ARHGAP44: variants seen among roughly 807,000 people sequenced by gnomAD.
The protein encoded by ARHGAP44 is rho GTPase-activating protein 44.
ARHGAP44 carries 43 observed loss-of-function variants against 106.8 expected under a neutral mutation model. The observed-to-expected ratio is 0.40, with a 90% CI of 0.32 to 0.52. The LOEUF (loss-of-function observed/expected upper bound fraction) is 0.52, where lower values mean the gene tolerates loss of function less well. Ranked by LOEUF, ARHGAP44 falls within the 20% of genes least tolerant of loss-of-function variation. The probability of loss-of-function intolerance (pLI) is 0.48; values close to 1 mark genes in which losing one functional copy is unlikely to be tolerated. For missense variants in ARHGAP44, 866 were observed against 1,050.5 expected (o/e 0.82, Z 2.43); for synonymous variants, 439 against 410.3 (o/e 1.07, Z -0.85).
At chr17:12,789,943 G>T (rs975326731) in intron 1 of ARHGAP44, 52 bp downstream of exon 1, 8 of 1,442,544 alleles carry the variant, frequency 5.5e-6, no homozygotes, top group African/African-American at 1.5e-5. Flanking sequence ...GGCTGCATCC[G>T]CAGGGGCGCG....
chr17:12,919,438 T>C (rs1400875763), intron 5 of ARHGAP44, among the ~76,000 whole-genome samples: 1 of 142,066 alleles, frequency 7.0e-6, no homozygotes, highest in African/African-American at 2.7e-5. Flanking sequence ...CAGGCTGGAG[T>C]GGAGTGGTGT....
intron 20 of ARHGAP44, chr17:12,988,475 A>G (rs900774185): frequency 6.6e-6 from 1 of 152,386 alleles, no homozygotes; most frequent in Admixed American, 6.5e-5. Flanking sequence ...GGAAGGGCAG[A>G]GGTGGGTCTG....
chr17:12,918,147 C>T (rs2037971599), intron 5 of ARHGAP44, among the ~76,000 whole-genome samples: 1 of 152,196 alleles, frequency 6.6e-6, no homozygotes, highest in Non-Finnish European at 1.5e-5. Flanking sequence ...AACCAAGGAG[C>T]AAGTCCGTTG....
chr17:12,957,163 G>A (rs1045355963), intron 15 of ARHGAP44, among the ~76,000 whole-genome samples: 5 of 152,020 alleles, frequency 3.3e-5, no homozygotes, highest in South Asian at 2.1e-4. Flanking sequence ...TCTCCATGTC[G>A]CTCAGGCTGG....
At chr17:12,967,933 C>G (rs1353248492) in intron 16 of ARHGAP44, among the ~76,000 whole-genome samples, 1 of 152,184 alleles carries the variant, frequency 6.6e-6, no homozygotes, top group Non-Finnish European at 1.5e-5. Context: ...GAATCAGGCT[C>G]CCTCTGAGTT....
intron 1 of ARHGAP44, among the ~76,000 whole-genome samples, chr17:12,856,489 C>T (rs377397750): frequency 5.9e-5 from 9 of 152,268 alleles, no homozygotes; most frequent in African/African-American, 2.2e-4. Flanking sequence ...AGGAAAATAT[C>T]GGAAGTTGGC....
At chr17:12,818,431 G>C (rs1214749508) in intron 1 of ARHGAP44, among the ~76,000 whole-genome samples, 2 of 151,518 alleles carry the variant, frequency 1.3e-5, no homozygotes, top group Non-Finnish European at 3.0e-5. Context: ...AGGCAGGGAT[G>C]TTCGCTTTCA....
chr17:12,860,774 G>C (rs972773219), intron 1 of ARHGAP44, among the ~76,000 whole-genome samples: 5 of 152,012 alleles, frequency 3.3e-5, no homozygotes, highest in African/African-American at 1.2e-4. Context: ...GAAGGGATGT[G>C]ACTTGGGTCT....
At chr17:12,830,727 G>A (rs973287253) in intron 1 of ARHGAP44, among the ~76,000 whole-genome samples, 1 of 149,652 alleles carries the variant, frequency 6.7e-6, no homozygotes. Context: ...AACAAAAACC[G>A]AAGAAATATG....
At chr17:12,925,581 A>G (rs1211799557) in intron 6 of ARHGAP44, among the ~76,000 whole-genome samples, 1 of 151,994 alleles carries the variant, frequency 6.6e-6, no homozygotes, top group Non-Finnish European at 1.5e-5. Context: ...TTAAACCCTT[A>G]TTCCTCTCCC....
intron 1 of ARHGAP44, among the ~76,000 whole-genome samples, chr17:12,859,490 C>A (rs960891999): frequency 6.6e-6 from 1 of 152,322 alleles, no homozygotes; most frequent in Admixed American, 6.5e-5. Context: ...AAGCCATCTT[C>A]TCATCATCAC....
intron 18 of ARHGAP44, among the ~76,000 whole-genome samples, chr17:12,977,979 A>G (rs1292808416): frequency 7.1e-6 from 1 of 140,940 alleles, no homozygotes; most frequent in Non-Finnish European, 1.5e-5. Context: ...CAGAGATGAC[A>G]GTGAGCTGAG....
chr17:12,815,715 C>T (rs957598411), intron 1 of ARHGAP44, among the ~76,000 whole-genome samples: 2 of 152,144 alleles, frequency 1.3e-5, no homozygotes, highest in African/African-American at 4.8e-5. Context: ...GGTCAGATAC[C>T]AACAACATGA....
intron 1 of ARHGAP44, among the ~76,000 whole-genome samples, chr17:12,820,047 G>A (rs543839526): frequency 2.6e-5 from 4 of 152,090 alleles, no homozygotes; most frequent in African/African-American, 9.7e-5. Flanking sequence ...ATTTAGATCC[G>A]TAATCCAGTT....
At chr17:12,792,492 G>T (rs1478742117) in intron 1 of ARHGAP44, among the ~76,000 whole-genome samples, 1 of 152,146 alleles carries the variant, frequency 6.6e-6, no homozygotes, top group Non-Finnish European at 1.5e-5. Context: ...AGCGAGAGGG[G>T]CAGTATCTCC....
At chr17:12,935,796 G>A (rs2038530627) in intron 7 of ARHGAP44, among the ~76,000 whole-genome samples, 1 of 152,134 alleles carries the variant, frequency 6.6e-6, no homozygotes, top group Admixed American at 6.5e-5. Context: ...CTTCTAGAAT[G>A]TTAAGGTGAG....
intron 1 of ARHGAP44, among the ~76,000 whole-genome samples, chr17:12,856,151 T>C (rs1390352820): frequency 6.6e-6 from 1 of 152,224 alleles, no homozygotes; most frequent in Admixed American, 6.5e-5. Flanking sequence ...CTTTCTGTCC[T>C]CACCACCTGT....
At chr17:12,917,953 G>A (rs1011389363) in intron 5 of ARHGAP44, among the ~76,000 whole-genome samples, 1 of 152,122 alleles carries the variant, frequency 6.6e-6, no homozygotes, top group African/African-American at 2.4e-5. Flanking sequence ...CACTCTCTCT[G>A]GGACAGAGGT....
chr17:12,946,366 CTG>C (rs2038851037), intron 10 of ARHGAP44, among the ~76,000 whole-genome samples: 1 of 151,530 alleles, frequency 6.6e-6, no homozygotes, highest in Non-Finnish European at 1.5e-5. Context: ...TAATTTTTGG[CTG>C]AGCACAGTAG....
Sources: allele counts gnomAD v4.1 joint callset (sites outside exome capture counted in the v4.1 genomes callset), GRCh38; gene constraint gnomAD v4.1.1; transcripts MANE v1.5; gene names NCBI Gene and HGNC (gene_info 2026-07-23, HGNC 2026-07-21).